DCTN1: variants seen among roughly 807,000 people sequenced by gnomAD.
The protein encoded by DCTN1 is 150 kDa dynein-associated polypeptide.
Under a neutral mutation model 161.2 loss-of-function variants are expected in DCTN1, and 61 were observed. That is an observed-to-expected ratio of 0.38 (90% confidence interval 0.31 to 0.47). The LOEUF (loss-of-function observed/expected upper bound fraction) is 0.47. Among genes scored for constraint, DCTN1 ranks in the 20% least tolerant of loss-of-function variants. DCTN1 has a pLI of 0.99. For missense variants in DCTN1, 1,404 were observed against 1,623.7 expected, an observed-to-expected ratio of 0.86 and a Z score of 2.33; for synonymous variants, 653 against 632.4, an observed-to-expected ratio of 1.03 and a Z score of -0.49.
chr2:74,367,338 C>A lies in DCTN1; in HGVS notation c.2253+14G>T, dbSNP rs2103625486. 1.2e-6 allele frequency: 2 copies of A among 1,614,030 alleles called. No homozygotes were observed. Among genetic ancestry groups the A allele is most frequent in the Non-Finnish European group, 1.7e-6 (2 of 1,179,958 alleles). ...ATCTCCACGGGGGCTCAATCACTGG[C>A]CCAGATACTTCACCTTAATGTGGTC... On this transcript the variant is annotated intron_variant, in intron 19 of 31. Transcript: ENST00000628224.
chr2:74,380,854 A>C (rs1467889625), upstream of DCTN1, among the ~76,000 whole-genome samples: 1 of 152,138 alleles, frequency 6.6e-6, no homozygotes, highest in Non-Finnish European at 1.5e-5. Context: ...GTCACCCTTC[A>C]CCCTTTATGG....
rs749628386 is a variant in DCTN1, at chr2:74,371,705, C to A, written c.477G>T (p.Gly159=). Residue 159 remains glycine (G), a synonymous_variant, in exon 8 of 32, where the codon GGG becomes GGT. Coordinates refer to ENST00000628224, the MANE Select transcript of DCTN1 (RefSeq NM_004082.5). ...RPKPTRPAST[G]VAGASSSLGP... The stretch of plus-strand genomic sequence containing the variant: ...CCAGGGAGCTACTGGCCCCAGCCAC[C>A]CCAGTACTGGCTGGGCGCGTGGGCT... The A allele has an allele frequency of 5.6e-6, 9 of 1,608,534 alleles. No individual in the cohort carries two copies. Among genetic ancestry groups the A allele is most frequent in the Non-Finnish European group, 7.6e-6 (9 of 1,178,450 alleles).
At position 74,369,885 on chromosome 2, in the gene DCTN1, T is replaced by C. The variant is rs1674706915; in HGVS notation, c.1392+80A>G. The C allele has an allele frequency of 7.1e-7, 1 of 1,416,730 alleles. No individual in the cohort carries two copies. The highest frequency in any genetic ancestry group is 9.9e-7 in the Non-Finnish European group (1 of 1,007,144). The allele number at this position is 1,416,730 out of a possible 1,614,324, so 87.8% of individuals were successfully genotyped here. On this transcript the variant is annotated intron_variant, in intron 13 of 31. Coordinates refer to ENST00000628224, the MANE Select transcript of DCTN1 (RefSeq NM_004082.5). This position sits in a 1 kb window ranked among gnomAD's most constrained non-coding sequence, Gnocchi z 4.9. ...AGGCTGGGTCCCTCACCGCACACCC[T>C]GCTCAAAGGCCAAGGGTCACATGTC...
At chr2:74,374,282 C>T (rs1435661097) in intron 6 of DCTN1, 41 bp downstream of exon 6, 3 of 1,603,112 alleles carry the variant, frequency 1.9e-6, no homozygotes, top group Non-Finnish European at 2.6e-6. Context: ...GCCACCATTG[C>T]CCTGGCAACC....
intron 1 of DCTN1, 105 bp from the exon 2 acceptor site, chr2:74,378,350 A>G (rs1482809758): frequency 4.8e-6 from 7 of 1,452,948 alleles, no homozygotes; most frequent in Non-Finnish European, 6.6e-6. Flanking sequence ...AAAAACAACC[A>G]GAGTCATTTT....
rs141555456 is a variant in DCTN1 at position 74,363,486 on chromosome 2, C to G, written c.3212-59G>C. 134 of 1,604,642 alleles carry G rather than the reference C, an allele frequency of 8.4e-5. 3 individuals carry two copies. In the African/African-American group the frequency reaches 1.5e-3, roughly 19 times the overall value. ...AGTGGAAAGGGTTGAAAATTGGGCT[C>G]CATTCCTACTCTTCCCCTTTCCTCA... is the stretch of plus-strand genomic sequence containing the variant. On this transcript the variant is annotated intron_variant, in intron 27 of 31. Coordinates refer to ENST00000628224, the MANE Select transcript of DCTN1 (RefSeq NM_004082.5).
chr2:74,377,753 T>TC, intron 2 of DCTN1, 27 bp from the exon 3 acceptor site: 2 of 1,592,134 alleles, frequency 1.3e-6, no homozygotes, highest in Non-Finnish European at 1.7e-6. Context: ...TATAGCCAGA[T>TC]CAATAGTTTC....
chr2:74,374,244 G>GCCCCCCC, intron 6 of DCTN1, 79 bp downstream of exon 6: 5 of 1,481,132 alleles, frequency 3.4e-6, no homozygotes, highest in Non-Finnish European at 2.8e-6. Context: ...AAGTCAATCA[G>GCCCCCCC]CCCCCACCCC....
rs1189108278 is a variant in DCTN1 at position 74,361,395 on chromosome 2, C to T, written c.*104G>A. ...GTGAAGCTGAACGGGGCAGGAAGAG[C>T]TTAACCCACGTTTCTACCTGGGGGC... is the stretch of plus-strand genomic sequence containing the variant. On this transcript the variant is annotated 3_prime_UTR_variant, in exon 32 of 32. Coordinates refer to ENST00000628224, the MANE Select transcript of DCTN1 (RefSeq NM_004082.5). 1.9e-6 allele frequency: 3 copies of T among 1,548,712 alleles called. No individual in the cohort carries two copies. Among genetic ancestry groups the T allele is most frequent in the Non-Finnish European group, 2.6e-6 (3 of 1,133,552 alleles).
At chr2:74,368,247 A>T in intron 16 of DCTN1, 116 bp from the exon 17 acceptor site, 1 of 1,389,428 alleles carries the variant, frequency 7.2e-7, no homozygotes, top group South Asian at 1.3e-5. Flanking sequence ...CATGGGAGAG[A>T]AAGCAGAAAT....
rs758248055 is a variant in DCTN1, at chr2:74,371,740, G to A, written c.454-12C>T. 5.6e-6 allele frequency: 9 copies of A among 1,605,026 alleles called. No homozygotes were observed. In the Admixed American group the frequency reaches 1.0e-4, roughly 18 times the overall value. ...GCTGGGCGCGTGGGCTATTCAGAAA[G>A]GGTAGAGGCAGACCAGAAAGAAAGC... On this transcript the variant is annotated splice_polypyrimidine_tract_variant and intron_variant, in intron 7 of 31. Transcript: ENST00000628224.
chr2:74,365,991 C>T lies in DCTN1; in HGVS notation c.2788G>A (p.Ala930Thr). ...GCATCTGTGATCTCTGCACGAAGGGCAGCAGCCCGCAGTTCAACCGGTGGA... is the reference window on the plus strand; with the variant it reads ...GCATCTGTGATCTCTGCACGAAGGGTAGCAGCCCGCAGTTCAACCGGTGGA... ...KPPPVELRAAALRAEITDAEG... is the reference protein window; with the variant it reads ...KPPPVELRAATLRAEITDAEG... The change falls in exon 24 of 32, where the codon GCC (alanine) becomes ACC (threonine). Residue 930 changes from alanine to threonine, a missense_variant. This residue lies in a region of DCTN1 where 475 missense variants were observed against 489.8 expected (regional missense o/e 0.97). Transcript: ENST00000628224. 6.2e-7 allele frequency: 1 copy of T among 1,614,260 alleles called. No homozygotes were observed. Among genetic ancestry groups the T allele is most frequent in the South Asian group, 1.1e-5 (1 of 91,086 alleles).
At chr2:74,383,076 C>A (rs1042046032), upstream of DCTN1, among the ~76,000 whole-genome samples, 1 of 146,298 alleles carries the variant, frequency 6.8e-6, no homozygotes, top group African/African-American at 2.6e-5. Flanking sequence ...AGCGAGACTC[C>A]GTCTCAAAAA....
Position 74,367,977 on chromosome 2 carries a change from TA to T in DCTN1, c.2008del (p.Tyr670MetfsTer23). On this transcript the variant is annotated frameshift_variant, in exon 17 of 32. Transcript: ENST00000628224. LOFTEE classifies it high-confidence loss of function. ...LSLLQATLHR[Y>X]EHALSQCSVD... ...GGAGTCAGGAGTCACTTACTGCTCA[TA>T]GCGGTGTAGCGTGGCCTGCAGCAGG... is the stretch of plus-strand genomic sequence containing the variant. The T allele has an allele frequency of 6.2e-7, 1 of 1,614,204 alleles. No individual in the cohort carries two copies.
At chr2:74,362,798 G>T in intron 29 of DCTN1, 69 bp from the exon 30 acceptor site, 1 of 1,486,242 alleles carries the variant, frequency 6.7e-7, no homozygotes, top group South Asian at 1.2e-5. Context: ...TTAAGGGTTA[G>T]GGGTGCAGGT....
intron 19 of DCTN1, 29 bp downstream of exon 19, chr2:74,367,323 G>A (rs374074111): frequency 7.7e-5 from 124 of 1,613,120 alleles, no homozygotes; most frequent in Non-Finnish European, 9.2e-5. Flanking sequence ...ATCTCCACGG[G>A]GGCTCAATCA....
intron 16 of DCTN1, 82 bp downstream of exon 16, chr2:74,368,646 T>A: frequency 6.3e-7 from 1 of 1,594,754 alleles, no homozygotes; most frequent in Middle Eastern, 1.7e-4. Context: ...AGAGACTCTG[T>A]TGTCTTCACT....
rs78936017 is a variant in DCTN1 at position 74,364,059 on chromosome 2, G to A, written c.3197-431C>T. 1,663 of 232,476 alleles carry A rather than the reference G, an allele frequency of 7.2e-3. 28 individuals carry two copies. The highest frequency in any genetic ancestry group is 0.035 in the African/African-American group (1,595 of 44,958). 14.4% of individuals were successfully genotyped at this position (232,476 alleles called of 1,614,324 possible). The stretch of plus-strand genomic sequence containing the variant: ...GCAAACACACTCCCTTGCTCCTAAG[G>A]ATTCCCCATTGCTCTGAGGCAAAAG... On this transcript the variant is annotated intron_variant, in intron 26 of 31. Coordinates refer to ENST00000628224, the MANE Select transcript of DCTN1 (RefSeq NM_004082.5).
At chr2:74,372,852 G>A (rs1157307828) in intron 7 of DCTN1, 76 bp downstream of exon 7, 26 of 1,414,644 alleles carry the variant, frequency 1.8e-5, no homozygotes, top group South Asian at 3.4e-5. Context: ...GCTCATACAC[G>A]TGCCCTCATA....
Sources: allele counts gnomAD v4.1 joint callset (sites outside exome capture counted in the v4.1 genomes callset), GRCh38; gene constraint gnomAD v4.1.1; regional missense constraint gnomAD v4.1.1; non-coding constraint Gnocchi (gnomAD v3.1); transcripts MANE v1.5; gene names NCBI Gene and HGNC (gene_info 2026-07-23, HGNC 2026-07-21).